The following MSTO1 variants were observed in gnomAD, a reference collection of about 807,000 sequenced individuals.
MSTO1 encodes misato mitochondrial distribution and morphology regulator 1, also known as protein misato homolog 1.
MSTO1 carries 24 observed loss-of-function variants against 55.7 expected under a neutral mutation model. The ratio of observed to expected loss-of-function variants is 0.43; its 90% CI spans 0.31 to 0.61. The LOEUF (loss-of-function observed/expected upper bound fraction) is 0.61. Among genes scored for constraint, MSTO1 ranks in the 20% least tolerant of loss-of-function variants. The pLI is 0.09. For missense variants in MSTO1, 363 were observed against 625.7 expected (o/e 0.58, Z 4.48); for synonymous variants, 162 against 252.8 (o/e 0.64, Z 3.41).
At chr1:155,585,400 A>G in the MSTO1 span, among the ~76,000 whole-genome samples, 3 of 151,910 alleles carry the variant, frequency 2.0e-5, no homozygotes, top group Non-Finnish European at 4.4e-5. Context: ...GCGGGCACCT[A>G]TAGTTCCAGC....
At chr1:155,568,857 C>CT in the MSTO1 span, among the ~76,000 whole-genome samples, 182 of 64,802 alleles carry the variant, frequency 2.8e-3, 2 homozygotes, top group East Asian at 0.022. Flanking sequence ...TTTTCTTTTT[C>CT]TTTTTTTTTT....
the MSTO1 span, among the ~76,000 whole-genome samples, chr1:155,579,283 G>A: frequency 0.04 from 6,027 of 151,626 alleles, 398 homozygotes; most frequent in African/African-American, 0.14. Flanking sequence ...ATTGCACTCT[G>A]GCCTGGGCAA....
the MSTO1 span, among the ~76,000 whole-genome samples, chr1:155,589,615 T>C: frequency 6.6e-6 from 1 of 152,142 alleles, no homozygotes; most frequent in Non-Finnish European, 1.5e-5. Context: ...AGTCTGTGGC[T>C]AAAGGCCTGA....
In MSTO1 at chr1:155,613,203, T is replaced by G; in HGVS notation, c.1253T>G (p.Leu418Arg). The G allele has an allele frequency of 6.2e-7, 1 of 1,614,162 alleles. No homozygotes were observed. Among genetic ancestry groups the G allele is most frequent in the Non-Finnish European group, 8.5e-7 (1 of 1,180,016 alleles). Residue 418 changes from leucine (L) to arginine (R), a missense_variant, in exon 11 of 14, where the codon CTG becomes CGG. By Grantham distance (102) the Leu-to-Arg change is moderately radical (BLOSUM62 -2). Around this residue, in one of 3 missense-constraint regions of MSTO1, gnomAD observed 231 missense variants for 286.9 expected, o/e 0.81. Coordinates refer to ENST00000245564, the MANE Select transcript of MSTO1 (RefSeq NM_018116.4). Reference sequence around the variant, plus strand: ...CGTTGCTTTGCCCAGTCAGTGGTGCTGAGGGGTATAGACAGAGCATGCCAC... The same window carrying G: ...CGTTGCTTTGCCCAGTCAGTGGTGCGGAGGGGTATAGACAGAGCATGCCAC... ...GTRCFAQSVV[L>R]RGIDRACHTS...
At chr1:155,564,331 T>C in the MSTO1 span, among the ~76,000 whole-genome samples, 1 of 152,096 alleles carries the variant, frequency 6.6e-6, no homozygotes, top group African/African-American at 2.4e-5. Context: ...CCGTCTCTAC[T>C]AAAAATACAA....
chr1:155,598,484 G>T, the MSTO1 span, among the ~76,000 whole-genome samples: 3 of 152,052 alleles, frequency 2.0e-5, no homozygotes, highest in Admixed American at 2.0e-4. Flanking sequence ...CACTTTGGGA[G>T]GCCAAGGCAG....
chr1:155,564,369 C>T, the MSTO1 span, among the ~76,000 whole-genome samples: 1 of 152,160 alleles, frequency 6.6e-6, no homozygotes, highest in African/African-American at 2.4e-5. Flanking sequence ...TGGTGGACGC[C>T]TGTAATCCCA....
chr1:155,598,516 G>A, the MSTO1 span, among the ~76,000 whole-genome samples: 1 of 152,140 alleles, frequency 6.6e-6, no homozygotes, highest in South Asian at 2.1e-4. Context: ...TTGGCCAAGA[G>A]TTCAAGATGA....
the MSTO1 span, among the ~76,000 whole-genome samples, chr1:155,583,119 G>A: frequency 0.026 from 3,978 of 151,788 alleles, 81 homozygotes; most frequent in Middle Eastern, 0.048. Context: ...GATTTTTTCC[G>A]GCCTGGGCTT....
At chr1:155,584,691 A>AAAAGAAAAG in the MSTO1 span, among the ~76,000 whole-genome samples, 1 of 75,570 alleles carries the variant, frequency 1.3e-5, no homozygotes, top group Non-Finnish European at 2.4e-5. Flanking sequence ...AAAAAAAAAA[A>AAAAGAAAAG]AAAGAAAGAA....
At chr1:155,609,243 A>ATTTT (rs1185140621), upstream of MSTO1, among the ~76,000 whole-genome samples, 57 of 54,568 alleles carry the variant, frequency 1.0e-3, no homozygotes, top group South Asian at 3.4e-3. Flanking sequence ...ATATATATAT[A>ATTTT]TTTTTTTTTT....
chr1:155,611,395 A>G (rs1268961440), intron 4 of MSTO1, 104 bp downstream of exon 4: 1 of 1,606,858 alleles, frequency 6.2e-7, no homozygotes, highest in Non-Finnish European at 8.5e-7. Context: ...TCTTAGAATG[A>G]TATTTTGGGA....
chr1:155,573,959 T>C, the MSTO1 span, among the ~76,000 whole-genome samples: 1 of 152,180 alleles, frequency 6.6e-6, no homozygotes, highest in Admixed American at 6.6e-5. Flanking sequence ...TTCAAATTTA[T>C]ACCTTTTGCA....
the MSTO1 span, among the ~76,000 whole-genome samples, chr1:155,599,999 C>T: frequency 3.3e-5 from 5 of 152,268 alleles, no homozygotes; most frequent in South Asian, 2.1e-4. Flanking sequence ...TGCCCAGGGA[C>T]GGGGAGGAGA....
the MSTO1 span, chr1:155,602,163 T>C: frequency 2.8e-6 from 2 of 712,790 alleles, no homozygotes; most frequent in Non-Finnish European, 5.3e-6. Context: ...TCAACCTAGC[T>C]GAAGAATTTC....
chr1:155,569,335 C>T, the MSTO1 span, among the ~76,000 whole-genome samples: 8 of 150,876 alleles, frequency 5.3e-5, no homozygotes, highest in African/African-American at 1.9e-4. Flanking sequence ...CAGGGTTTCA[C>T]CATGTTAGCC....
chr1:155,601,056 G>A, the MSTO1 span, among the ~76,000 whole-genome samples: 1 of 148,606 alleles, frequency 6.7e-6, no homozygotes, highest in Non-Finnish European at 1.5e-5. Flanking sequence ...CTGACCTCAG[G>A]TGATCGCCCA....
the MSTO1 span, among the ~76,000 whole-genome samples, chr1:155,602,671 C>T: frequency 7.9e-5 from 12 of 152,004 alleles, no homozygotes; most frequent in African/African-American, 2.4e-5. Context: ...TTCTTTCATA[C>T]GTTTTGCTCA....
At chr1:155,597,754 C>G in the MSTO1 span, among the ~76,000 whole-genome samples, 5 of 151,718 alleles carry the variant, frequency 3.3e-5, no homozygotes, top group Middle Eastern at 3.4e-3. Flanking sequence ...AGGTGATCCA[C>G]CCGCCTTGGT....
Sources: gnomAD v4.1 joint callset for allele counts (sites outside exome capture counted in the v4.1 genomes callset) on GRCh38, gnomAD v4.1.1 for gene constraint, gnomAD v4.1.1 regional missense constraint, MANE v1.5 for transcripts, NCBI Gene and HGNC (gene_info 2026-07-23, HGNC 2026-07-21) for gene names.